GTPBP8: variants seen among roughly 807,000 people sequenced by gnomAD.
GTPBP8 encodes GTP-binding protein 8.
GTPBP8 carries 21 observed loss-of-function variants against 27.3 expected under a neutral mutation model. The ratio of observed to expected loss-of-function variants is 0.77; its 90% CI spans 0.55 to 1.11. The LOEUF is 1.11. Ranked by LOEUF, GTPBP8 falls within the 50% of genes least tolerant of loss-of-function variation. The pLI is 0.00. For missense variants in GTPBP8, 380 were observed against 350.8 expected, an observed-to-expected ratio of 1.08 and a Z score of -0.67; for synonymous variants, 147 against 135.3, an observed-to-expected ratio of 1.09 and a Z score of -0.60.
In GTPBP8 at chr3:112,999,476, A is replaced by G; in HGVS notation, c.697A>G (p.Lys233Glu). Residue 233 changes from lysine (K) to glutamate (E), a missense_variant, in exon 5 of 6, where the codon AAG (lysine) becomes GAG (glutamate). Physicochemically the swap from Lys to Glu is moderately conservative, Grantham distance 56. Coordinates refer to ENST00000383678, the MANE Select transcript of GTPBP8 (RefSeq NM_014170.4). ...IVLTKIDKSS[K>E]GHLLKQVLQI... ...ATTAACAAAAATTGACAAATCTTCC[A>G]AGGGACATCTTTTAAAACAAGTGCT... The G allele has an allele frequency of 6.6e-7, 1 of 1,514,984 alleles. No individual in the cohort carries two copies. The highest frequency in any genetic ancestry group is 9.0e-7 in the Non-Finnish European group (1 of 1,108,846). The allele number at this position is 1,514,984 out of a possible 1,614,324, so 93.8% of individuals were successfully genotyped here.
intron 4 of GTPBP8, among the ~76,000 whole-genome samples, chr3:112,998,787 A>AC (rs1252726968): frequency 6.6e-6 from 1 of 152,178 alleles, no homozygotes; most frequent in Non-Finnish European, 1.5e-5. Flanking sequence ...GTATCATGAC[A>AC]CCACACTCCT....
intron 4 of GTPBP8, among the ~76,000 whole-genome samples, chr3:112,998,858 A>G (rs749346194): frequency 5.3e-5 from 8 of 152,042 alleles, no homozygotes; most frequent in Non-Finnish European, 8.8e-5. Flanking sequence ...TTTTACAGAA[A>G]CTCACCAGGA....
intron 2 of GTPBP8, among the ~76,000 whole-genome samples, chr3:112,994,253 A>G (rs1441214737): frequency 6.6e-6 from 1 of 151,992 alleles, no homozygotes; most frequent in Non-Finnish European, 1.5e-5. Context: ...GAGAAACCCC[A>G]TTTCCACTAA....
At position 112,991,349 on chromosome 3, in the gene GTPBP8, C is replaced by A; in HGVS notation, c.336+14C>A. The A allele has an allele frequency of 6.2e-7, 1 of 1,610,732 alleles. No homozygotes were observed. Among genetic ancestry groups the A allele is most frequent in the Non-Finnish European group, 8.5e-7 (1 of 1,177,594 alleles). On this transcript the variant is annotated intron_variant, in intron 1 of 5. Transcript: ENST00000383678. ...CCGCGGCCAGAGGTGAGAGGCGATTCTCACGGTTCACCTGCGCGCCGGCGT... is the reference window on the plus strand; with the variant it reads ...CCGCGGCCAGAGGTGAGAGGCGATTATCACGGTTCACCTGCGCGCCGGCGT...
Position 112,991,318 on chromosome 3 carries a change from G to C in GTPBP8, c.319G>C (p.Asp107His), listed in dbSNP as rs756766635. ...SSAVRIDHAP[D>H]LPRPEVCFIG... ...CGCCGTCCGTATCGACCACGCCCCG[G>C]ACCTTCCGCGGCCAGAGGTGAGAGG... The change falls in exon 1 of 6, where the codon GAC becomes CAC. Residue 107 changes from aspartate to histidine, a missense_variant. Asp to His is a moderately conservative substitution (Grantham distance 81). Transcript: ENST00000383678. 1 of 1,613,504 alleles carries C rather than the reference G, an allele frequency of 6.2e-7. No homozygotes were observed. The highest frequency in any genetic ancestry group is 2.2e-5 in the East Asian group (1 of 44,892).
intron 5 of GTPBP8, 64 bp from the exon 6 acceptor site, chr3:113,000,781 TTTAAG>T: frequency 1.1e-6 from 1 of 929,800 alleles, no homozygotes; most frequent in Non-Finnish European, 1.7e-6. Context: ...TGTAAATTTT[TTTAAG>T]TTGATGAATT....
Position 112,995,105 on chromosome 3 carries a change from C to G in GTPBP8, c.436-30C>G, listed in dbSNP as rs775297394. Reference sequence around the variant, plus strand: ...ACTAGATGGAGGACATATCTTAAGACAGCTTTTCTTTTTCTATTTACTTTA... The same window carrying G: ...ACTAGATGGAGGACATATCTTAAGAGAGCTTTTCTTTTTCTATTTACTTTA... On this transcript the variant is annotated intron_variant, in intron 2 of 5. Coordinates refer to ENST00000383678, the MANE Select transcript of GTPBP8 (RefSeq NM_014170.4). 4.6e-6 allele frequency: 7 copies of G among 1,526,098 alleles called. No homozygotes were observed. The Admixed American group carries it at 6.1e-5, about 13-fold the overall frequency. 94.5% of individuals were successfully genotyped at this position (1,526,098 alleles called of 1,614,324 possible).
At chr3:112,995,622 C>T (rs527633578) in intron 3 of GTPBP8, among the ~76,000 whole-genome samples, 2 of 151,520 alleles carry the variant, frequency 1.3e-5, no homozygotes, top group Non-Finnish European at 2.9e-5. Flanking sequence ...CTGCAACCTT[C>T]TTCTCCAGAG....
intron 1 of GTPBP8, 43 bp downstream of exon 1, chr3:112,991,378 A>C: frequency 1.3e-6 from 2 of 1,569,010 alleles, no homozygotes; most frequent in Non-Finnish European, 1.8e-6. Flanking sequence ...CCGGCGTCAC[A>C]GCGCTAACCG....
rs753770152 is a variant in GTPBP8, at chr3:112,991,064, G to T, written c.65G>T (p.Arg22Leu). The part of the protein sequence containing the change: ...RLFEMPAVLE[R>L]LSRYNSTSQA... ...TTTGAAATGCCTGCGGTGCTAGAGC[G>T]ACTGAGCCGCTATAATAGCACGTCC... Residue 22 changes from arginine (R) to leucine (L), a missense_variant, in exon 1 of 6, where the codon CGA becomes CTA. By Grantham distance (102) the Arg-to-Leu change is moderately radical. Transcript: ENST00000383678. 4 of 1,613,730 alleles carry T rather than the reference G, an allele frequency of 2.5e-6. No individual in the cohort carries two copies. The highest frequency in any genetic ancestry group is 1.1e-5 in the South Asian group (1 of 91,048).
At position 113,001,876 on chromosome 3, in the gene GTPBP8, C is replaced by T. The variant is rs1328235015; in HGVS notation, c.*957C>T. On this transcript the variant is annotated 3_prime_UTR_variant, in exon 6 of 6. Transcript: ENST00000383678. ...AGATTTTTGTGAAGGTGCCACTAAC[C>T]TATTCATGTAAGTGGCTTAGGTTTT... 1 of 152,104 alleles carries T rather than the reference C, an allele frequency of 6.6e-6. No individual in the cohort carries two copies. Among genetic ancestry groups the T allele is most frequent in the African/African-American group, 2.4e-5 (1 of 41,418 alleles). The allele number at this position is 152,104 out of a possible 1,614,324, so 9.4% of individuals were successfully genotyped here. A position where few individuals can be genotyped will look rare whatever the true frequency, so the allele number is the denominator to read the frequency against.
At chr3:112,995,830 C>G (rs1933775140) in intron 3 of GTPBP8, among the ~76,000 whole-genome samples, 1 of 152,182 alleles carries the variant, frequency 6.6e-6, no homozygotes, top group African/African-American at 2.4e-5. Flanking sequence ...ACCACCGCAC[C>G]TGGCCCATTA....
In GTPBP8 at chr3:112,999,328, A is replaced by G. The variant is rs1048440386; in HGVS notation, c.667-118A>G. On this transcript the variant is annotated intron_variant, in intron 4 of 5. Coordinates refer to ENST00000383678, the MANE Select transcript of GTPBP8 (RefSeq NM_014170.4). The stretch of plus-strand genomic sequence containing the variant: ...ATTTTTATTTTATAGATGAGGAAAT[A>G]GGTACAGAGATAAATTTGCACGGGT... The G allele has an allele frequency of 1.6e-5, 8 of 502,730 alleles. No individual in the cohort carries two copies. In the South Asian group the frequency reaches 2.3e-4, roughly 14 times the overall value. 31.1% of individuals were successfully genotyped at this position (502,730 alleles called of 1,614,324 possible). A position where few individuals can be genotyped will look rare whatever the true frequency, so the allele number is the denominator to read the frequency against.
chr3:112,993,958 T>C (rs1933735155), intron 2 of GTPBP8, among the ~76,000 whole-genome samples: 1 of 152,232 alleles, frequency 6.6e-6, no homozygotes, highest in Non-Finnish European at 1.5e-5. Context: ...ATCTCCTTCC[T>C]TTTGTGAGAG....
intron 4 of GTPBP8, among the ~76,000 whole-genome samples, chr3:112,998,217 T>C (rs968633910): frequency 1.3e-5 from 2 of 152,108 alleles, no homozygotes; most frequent in Admixed American, 6.5e-5. Context: ...ATCCCACAGA[T>C]TGAGGATTCA....
chr3:113,000,598 G>A (rs932583934), intron 5 of GTPBP8, among the ~76,000 whole-genome samples: 1 of 151,998 alleles, frequency 6.6e-6, no homozygotes, highest in Non-Finnish European at 1.5e-5. Flanking sequence ...GACTTATTCT[G>A]GAAAACAAAG....
chr3:112,994,089 A>G (rs1933738210), intron 2 of GTPBP8, among the ~76,000 whole-genome samples: 2 of 152,320 alleles, frequency 1.3e-5, no homozygotes, highest in Admixed American at 1.3e-4. Context: ...TCCTTTGATA[A>G]TATTTGTTCT....
intron 3 of GTPBP8, among the ~76,000 whole-genome samples, chr3:112,996,053 G>A (rs1334984860): frequency 6.6e-6 from 1 of 152,098 alleles, no homozygotes. Context: ...TGAAAAAAAT[G>A]TATCTTGTTT....
chr3:112,999,591 GTTTTTTA>G (rs762225468), intron 5 of GTPBP8, 27 bp downstream of exon 5: 4 of 883,374 alleles, frequency 4.5e-6, no homozygotes, highest in Non-Finnish European at 5.3e-6. Context: ...TTTGTTTTTT[GTTTTTTA>G]TGAAGTAATC....
Sources: allele counts gnomAD v4.1 joint callset (sites outside exome capture counted in the v4.1 genomes callset), GRCh38; gene constraint gnomAD v4.1.1; transcripts MANE v1.5; gene names NCBI Gene and HGNC (gene_info 2026-07-23, HGNC 2026-07-21).